FAM167A: variants seen among roughly 807,000 people sequenced by gnomAD.
FAM167A encodes the protein family with sequence similarity 167 member A.
Under a neutral mutation model 14.9 loss-of-function variants are expected in FAM167A, and 23 were observed. The ratio of observed to expected loss-of-function variants is 1.55; its 90% CI spans 1.11 to 2.19. FAM167A has a LOEUF of 2.19. Among genes scored for constraint, FAM167A ranks in the 30% most tolerant of loss-of-function variants. The pLI is 0.00. For missense variants in FAM167A, 401 were observed against 281.5 expected (o/e 1.42, Z -3.04); for synonymous variants, 174 against 117.7 (o/e 1.48, Z -3.10).
intron 2 of FAM167A, among the ~76,000 whole-genome samples, chr8:11,429,737 G>T (rs1374518737): frequency 6.6e-6 from 1 of 152,174 alleles, no homozygotes; most frequent in African/African-American, 2.4e-5. Flanking sequence ...GGCAGAAAGG[G>T]AAAATCCACA....
At chr8:11,455,633 C>T (rs1211444699) in intron 1 of FAM167A, among the ~76,000 whole-genome samples, 6 of 77,154 alleles carry the variant, frequency 7.8e-5, no homozygotes, top group South Asian at 5.1e-4. Context: ...GGTTGCTCTG[C>T]TGGGTGTGAG....
chr8:11,438,156 A>G (rs1399129036), intron 2 of FAM167A: 1 of 456,272 alleles, frequency 2.2e-6, no homozygotes, highest in Non-Finnish European at 4.4e-6. Flanking sequence ...GGGCTGGATG[A>G]AAAGACTTCC....
upstream of FAM167A, among the ~76,000 whole-genome samples, chr8:11,468,768 ATT>A (rs1237722231): frequency 6.6e-6 from 1 of 152,130 alleles, no homozygotes. Context: ...TATGGCTTCT[ATT>A]TCTGGGAGTG....
intron 1 of FAM167A, chr8:11,446,585 A>T (rs1380541346): frequency 6.6e-6 from 1 of 152,206 alleles, no homozygotes; most frequent in Non-Finnish European, 1.5e-5. Flanking sequence ...GCCTAGCTCT[A>T]CGTCTTGTCA....
At chr8:11,443,958 G>C (rs1355057938) in intron 2 of FAM167A, 73 bp downstream of exon 2, 24 of 1,523,432 alleles carry the variant, frequency 1.6e-5, no homozygotes, top group Admixed American at 3.9e-5. Context: ...GACAGACAGA[G>C]AGAGACAGAA....
chr8:11,445,995 A>G (rs1806761300), intron 1 of FAM167A, among the ~76,000 whole-genome samples: 1 of 149,706 alleles, frequency 6.7e-6, no homozygotes, highest in Non-Finnish European at 1.5e-5. Flanking sequence ...CTGACTTGTA[A>G]ATGCCTAAAA....
Position 11,444,023 on chromosome 8 carries a change from C to T in FAM167A, c.381+8G>A, listed in dbSNP as rs201342764. 1.4e-4 allele frequency: 218 copies of T among 1,603,468 alleles called. No homozygotes were observed. The highest frequency in any genetic ancestry group is 1.8e-4 in the Non-Finnish European group (206 of 1,174,416). On this transcript the variant is annotated splice_region_variant and intron_variant, in intron 2 of 2. Coordinates refer to ENST00000284486, the MANE Select transcript of FAM167A (RefSeq NM_053279.3). ...CTTTTCTGGGGATTCTTGGGGGCAGCCACTCACCAGTTCCTTCCTGAGCCA... is the reference window on the plus strand; with the variant it reads ...CTTTTCTGGGGATTCTTGGGGGCAGTCACTCACCAGTTCCTTCCTGAGCCA...
intron 2 of FAM167A, 132 bp downstream of exon 2, chr8:11,443,899 G>T: frequency 8.6e-7 from 1 of 1,157,794 alleles, no homozygotes; most frequent in Non-Finnish European, 1.2e-6. Flanking sequence ...TTACAGATGT[G>T]CACTTGGGGG....
chr8:11,426,851 A>G (rs1805203293), intron 2 of FAM167A, among the ~76,000 whole-genome samples: 1 of 152,200 alleles, frequency 6.6e-6, no homozygotes, highest in Non-Finnish European at 1.5e-5. Context: ...GCATTTTTAT[A>G]GAAGATAACA....
At chr8:11,455,137 T>C (rs531664437) in intron 1 of FAM167A, among the ~76,000 whole-genome samples, 5 of 146,954 alleles carry the variant, frequency 3.4e-5, no homozygotes, top group South Asian at 2.1e-4. Flanking sequence ...TATGTGTGTG[T>C]GCGTGTGTGT....
intron 2 of FAM167A, among the ~76,000 whole-genome samples, chr8:11,429,014 A>C (rs1270355572): frequency 2.0e-5 from 3 of 152,206 alleles, no homozygotes; most frequent in Admixed American, 2.0e-4. Context: ...TTAAGTGTAC[A>C]GCTCGGTGGC....
intron 1 of FAM167A, among the ~76,000 whole-genome samples, chr8:11,449,493 C>G (rs377064595): frequency 1.3e-5 from 2 of 152,320 alleles, no homozygotes; most frequent in African/African-American, 4.8e-5. Flanking sequence ...CCCCAACACT[C>G]TAAACAAACG....
intron 1 of FAM167A, among the ~76,000 whole-genome samples, chr8:11,465,305 T>A: frequency 6.6e-6 from 1 of 152,164 alleles, no homozygotes; most frequent in East Asian, 1.9e-4. Flanking sequence ...GCAGCCTTCG[T>A]CTGAGAGCAC....
chr8:11,424,336 C>T lies in FAM167A; in HGVS notation c.*37G>A, dbSNP rs547076790. On this transcript the variant is annotated 3_prime_UTR_variant, in exon 3 of 3. Coordinates refer to ENST00000284486, the MANE Select transcript of FAM167A (RefSeq NM_053279.3). ...CCTCTGACACCCCTCCAGCCCAAGCCCTCCGCTCCAGCCCCTCCGCCCAGT... is the reference window on the plus strand; with the variant it reads ...CCTCTGACACCCCTCCAGCCCAAGCTCTCCGCTCCAGCCCCTCCGCCCAGT... The T allele has an allele frequency of 6.2e-7, 1 of 1,608,376 alleles. No homozygotes were observed. The highest frequency in any genetic ancestry group is 2.2e-5 in the East Asian group (1 of 44,756).
In FAM167A at chr8:11,424,401, A is replaced by G. The variant is rs1373271840; in HGVS notation, c.617T>C (p.Ile206Thr). Residue 206 changes from isoleucine to threonine, a missense_variant, in exon 3 of 3, where the codon ATC becomes ACC. Ile to Thr is a moderately conservative substitution (Grantham distance 89). Transcript: ENST00000284486. ...GCAGAGAGAGAACCTCCGAGAGTTGATGTTCATCTTGGTCACGCCAATAAG... is the reference window on the plus strand; with the variant it reads ...GCAGAGAGAGAACCTCCGAGAGTTGGTGTTCATCTTGGTCACGCCAATAAG... ...LKLIGVTKMN[I>T]NSRRFSLC The G allele has an allele frequency of 1.2e-6, 2 of 1,613,862 alleles. No homozygotes were observed. Among genetic ancestry groups the G allele is most frequent in the African/African-American group, 1.3e-5 (1 of 74,844 alleles).
rs572193573 is a variant in FAM167A, at chr8:11,424,435, G to A, written c.583C>T (p.Pro195Ser). The change falls in exon 3 of 3, where the codon CCA becomes TCA. Residue 195 changes from proline (P) to serine (S), a missense_variant. Physicochemically the swap from Pro to Ser is moderately conservative, Grantham distance 74 (BLOSUM62 -1). Transcript: ENST00000284486. ...PLASSFSLST[P>S]LKLIGVTKMN... The stretch of plus-strand genomic sequence containing the variant: ...TTGGTCACGCCAATAAGCTTGAGTG[G>A]TGTGGAGAGGCTGAAGGAGGAGGCA... 1.9e-6 allele frequency: 3 copies of A among 1,613,990 alleles called. No homozygotes were observed. Among genetic ancestry groups the A allele is most frequent in the African/African-American group, 2.7e-5 (2 of 74,882 alleles).
rs373737249 is a variant in FAM167A at position 11,433,593 on chromosome 8, A to G, written c.382-8957T>C. Among the ~76,000 whole-genome samples, 25 of 152,344 alleles carry G rather than the reference A, an allele frequency of 1.6e-4. No homozygotes were observed. The East Asian group carries it at 1.7e-3, about 11-fold the overall frequency. ...AAATCCCAGTGCACAGGGGCCAACC[A>G]GAGGCGAAAGAGTGCGTGTCCTGGA... is the stretch of plus-strand genomic sequence containing the variant. On this transcript the variant is annotated intron_variant, in intron 2 of 2. Coordinates refer to ENST00000284486, the MANE Select transcript of FAM167A (RefSeq NM_053279.3).
chr8:11,446,119 G>T (rs561504345), intron 1 of FAM167A, among the ~76,000 whole-genome samples: 2 of 151,746 alleles, frequency 1.3e-5, no homozygotes, highest in East Asian at 3.9e-4. Flanking sequence ...GGAGGGAAAA[G>T]AATTAAGATG....
At chr8:11,430,987 G>T (rs1346390627) in intron 2 of FAM167A, among the ~76,000 whole-genome samples, 1 of 152,216 alleles carries the variant, frequency 6.6e-6, no homozygotes, top group Non-Finnish European at 1.5e-5. Flanking sequence ...TAAGAAAGGT[G>T]TGGGAAACAG....
Sources: allele counts gnomAD v4.1 joint callset (sites outside exome capture counted in the v4.1 genomes callset), GRCh38; gene constraint gnomAD v4.1.1; transcripts MANE v1.5; gene names NCBI Gene and HGNC (gene_info 2026-07-23, HGNC 2026-07-21).